The following UACA variants were observed in gnomAD, a reference collection of about 807,000 sequenced individuals.
UACA encodes uveal autoantigen with coiled-coil domains and ankyrin repeats.
A neutral mutation model predicts 160.5 loss-of-function variants in UACA; 112 were observed. The observed-to-expected ratio is 0.70, with a 90% CI of 0.60 to 0.82. UACA has a LOEUF of 0.82. Ranked by LOEUF, UACA falls within the 40% of genes least tolerant of loss-of-function variation. The pLI is 0.00. For synonymous variants in UACA, 557 were observed against 568.4 expected (o/e 0.98, Z 0.29); for missense variants, 1,574 against 1,614.6 (o/e 0.97, Z 0.43).
At chr15:70,679,357 C>G (rs1897401687) in intron 10 of UACA, among the ~76,000 whole-genome samples, 8 of 151,562 alleles carry the variant, frequency 5.3e-5, no homozygotes, top group Admixed American at 5.3e-4. Flanking sequence ...GAGCCGAGAT[C>G]ATGCCACTGC....
At position 70,736,947 on chromosome 15, in the gene UACA, A is replaced by C. The variant is rs373689303; in HGVS notation, c.78+26383T>G. Among the ~76,000 whole-genome samples, 46 of 152,310 alleles carry C rather than the reference A, an allele frequency of 3.0e-4. 1 individual carries two copies. The highest frequency in any genetic ancestry group is 1.1e-3 in the African/African-American group (45 of 41,574). ...TATGGCAGGGCTTGGCATTTTATGT[A>C]ACCGGAGTTTCAGTTTACTAGTTAT... On this transcript the variant is annotated intron_variant, in intron 1 of 18. Coordinates refer to ENST00000322954, the MANE Select transcript of UACA (RefSeq NM_018003.4).
chr15:70,695,848 A>G, intron 2 of UACA, among the ~76,000 whole-genome samples: 1 of 152,006 alleles, frequency 6.6e-6, no homozygotes, highest in Non-Finnish European at 1.5e-5. Flanking sequence ...TAGTCATCTA[A>G]TATTTTATTA....
intron 1 of UACA, among the ~76,000 whole-genome samples, chr15:70,744,928 C>T (rs1899655513): frequency 1.3e-5 from 2 of 152,116 alleles, no homozygotes; most frequent in Non-Finnish European, 2.9e-5. Context: ...GAATACTAAC[C>T]ATAGCTCCAA....
the UACA span, chr15:70,778,893 A>G: frequency 6.6e-6 from 1 of 152,210 alleles, no homozygotes; most frequent in Non-Finnish European, 1.5e-5. Flanking sequence ...TTTGTTCTTC[A>G]CTGTATTCCC....
At chr15:70,670,914 T>C in intron 15 of UACA, 125 bp downstream of exon 15, 1 of 449,304 alleles carries the variant, frequency 2.2e-6, no homozygotes. Context: ...AACTTGTCTT[T>C]GATAATGAAA....
At position 70,669,120 on chromosome 15, in the gene UACA, C is replaced by A; in HGVS notation, c.1564G>T (p.Ala522Ser). ...KVKQMQTHFL[A>S]LKEHLTSEAA... ...TCACTTGTTAAGTGTTCTTTAAGGG[C>A]AAGAAAATGGGTCTGCATTTGTTTA... Residue 522 changes from alanine to serine, a missense_variant, in exon 16 of 19, where the codon GCC becomes TCC. By Grantham distance (99) the Ala-to-Ser change is moderately conservative. Coordinates refer to ENST00000322954, the MANE Select transcript of UACA (RefSeq NM_018003.4). The A allele has an allele frequency of 6.2e-7, 1 of 1,614,058 alleles. No homozygotes were observed. The highest frequency in any genetic ancestry group is 8.5e-7 in the Non-Finnish European group (1 of 1,179,998).
At chr15:70,676,819 T>C (rs1897317120) in intron 12 of UACA, among the ~76,000 whole-genome samples, 1 of 152,202 alleles carries the variant, frequency 6.6e-6, no homozygotes, top group South Asian at 2.1e-4. Flanking sequence ...CTGTTTTCAA[T>C]CTTAATGTTT....
At chr15:70,699,745 G>GC (rs1378606997) in intron 1 of UACA, 85 bp from the exon 2 acceptor site, 1 of 1,460,996 alleles carries the variant, frequency 6.8e-7, no homozygotes, top group Non-Finnish European at 9.3e-7. Context: ...AGAAAGGAAA[G>GC]CAGTACTGCA....
chr15:70,667,512 C>T lies in UACA; in HGVS notation c.3172G>A (p.Glu1058Lys). The change falls in exon 16 of 19, where the codon GAA becomes AAA. Residue 1058 changes from glutamate (E) to lysine (K), a missense_variant. Glu to Lys is a moderately conservative substitution (Grantham distance 56). Coordinates refer to ENST00000322954, the MANE Select transcript of UACA (RefSeq NM_018003.4). ...TCTGTTTTTCTGCTTAATGCTCTTT[C>T]CATTTCATGAGACTTCTCAATGAGA... ...TVLIEKSHEM[E>K]RALSRKTDEL... 6 of 1,612,592 alleles carry T rather than the reference C, an allele frequency of 3.7e-6. No homozygotes were observed. The highest frequency in any genetic ancestry group is 5.1e-6 in the Non-Finnish European group (6 of 1,179,938).
chr15:70,671,123 T>C, intron 14 of UACA, 32 bp from the exon 15 acceptor site: 3 of 1,438,218 alleles, frequency 2.1e-6, no homozygotes, highest in Non-Finnish European at 2.9e-6. Context: ...ACATTTTAAC[T>C]TCAATATCCA....
At chr15:70,665,290 A>C (rs1176803317) in intron 16 of UACA, among the ~76,000 whole-genome samples, 1 of 152,200 alleles carries the variant, frequency 6.6e-6, no homozygotes, top group East Asian at 1.9e-4. Flanking sequence ...GAGAAAAAAA[A>C]CAAGGAGGCT....
At chr15:70,700,425 CTA>C (rs1243662048) in intron 1 of UACA, among the ~76,000 whole-genome samples, 1 of 150,474 alleles carries the variant, frequency 6.6e-6, no homozygotes, top group Non-Finnish European at 1.5e-5. Flanking sequence ...ATGACAGACT[CTA>C]AAGTATTAAC....
At chr15:70,684,700 A>G (rs1047424938) in intron 7 of UACA, among the ~76,000 whole-genome samples, 5 of 151,242 alleles carry the variant, frequency 3.3e-5, no homozygotes, top group African/African-American at 1.2e-4. Flanking sequence ...TTGAACACTA[A>G]GTTCAAGTAA....
rs949295822 is a variant in UACA at position 70,660,336 on chromosome 15, TAAC to T, written c.4114-123_4114-121del. The T allele has an allele frequency of 1.4e-4, 110 of 792,332 alleles. No individual in the cohort carries two copies. The South Asian group carries it at 1.9e-3, about 13-fold the overall frequency. The allele number at this position is 792,332 out of a possible 1,614,324, so 49.1% of individuals were successfully genotyped here. A position where few individuals can be genotyped will look rare whatever the true frequency, so the allele number is the denominator to read the frequency against. ...ATTATTAAGGCGATCCTGCTACTTC[TAAC>T]AACAAACTACCTTGGACCTACCAGA... is the stretch of plus-strand genomic sequence containing the variant. On this transcript the variant is annotated intron_variant, in intron 17 of 18. Coordinates refer to ENST00000322954, the MANE Select transcript of UACA (RefSeq NM_018003.4).
intron 1 of UACA, among the ~76,000 whole-genome samples, chr15:70,723,845 G>C (rs947982636): frequency 2.0e-5 from 3 of 152,024 alleles, no homozygotes; most frequent in African/African-American, 7.2e-5. Context: ...TGTTGGCCAG[G>C]ATGGTCTCGA....
chr15:70,692,577 G>A (rs1292491147), intron 3 of UACA, among the ~76,000 whole-genome samples: 9 of 152,064 alleles, frequency 5.9e-5, no homozygotes, highest in South Asian at 2.1e-4. Flanking sequence ...TGAGACCAGC[G>A]TGGGCAACAT....
At chr15:70,717,485 T>C (rs895864317) in intron 1 of UACA, among the ~76,000 whole-genome samples, 1 of 152,218 alleles carries the variant, frequency 6.6e-6, no homozygotes, top group Non-Finnish European at 1.5e-5. Flanking sequence ...AGGCAATATG[T>C]AATGAATAAG....
At position 70,668,389 on chromosome 15, in the gene UACA, A is replaced by G. The variant is rs1043813141; in HGVS notation, c.2295T>C (p.Asn765=). 12 of 1,609,426 alleles carry G rather than the reference A, an allele frequency of 7.5e-6. No homozygotes were observed. The highest frequency in any genetic ancestry group is 9.3e-6 in the Non-Finnish European group (11 of 1,179,026). ...TTTGTGTTACATCTAAAAGCTTTCTATTAAGATCATCAATAATTGCATCAT... is the reference window on the plus strand; with the variant it reads ...TTTGTGTTACATCTAAAAGCTTTCTGTTAAGATCATCAATAATTGCATCAT... ...KSHDAIIDDL[N]RKLLDVTQKY... is the part of the protein sequence containing the mutation. The change falls in exon 16 of 19, where the codon AAT becomes AAC. Residue 765 remains asparagine, a synonymous_variant. Coordinates refer to ENST00000322954, the MANE Select transcript of UACA (RefSeq NM_018003.4).
At chr15:70,723,823 G>A (rs943507187) in intron 1 of UACA, among the ~76,000 whole-genome samples, 9 of 151,772 alleles carry the variant, frequency 5.9e-5, no homozygotes, top group African/African-American at 1.7e-4. Context: ...TAGTAGAGAC[G>A]GGGTTTCATC....
Sources: allele counts gnomAD v4.1 joint callset (sites outside exome capture counted in the v4.1 genomes callset), GRCh38; gene constraint gnomAD v4.1.1; transcripts MANE v1.5; gene names NCBI Gene and HGNC (gene_info 2026-07-23, HGNC 2026-07-21).